The following CNTN5 variants were observed in gnomAD, a reference collection of about 807,000 sequenced individuals.
CNTN5 encodes contactin-5.
CNTN5 carries 77 observed loss-of-function variants against 129.1 expected under a neutral mutation model. The observed-to-expected ratio is 0.60, with a 90% CI of 0.50 to 0.72. The LOEUF (loss-of-function observed/expected upper bound fraction) is 0.72, where lower values mean the gene tolerates loss of function less well. Among genes scored for constraint, CNTN5 ranks in the 30% least tolerant of loss-of-function variants. The pLI, the probability that CNTN5 is intolerant of heterozygous loss-of-function variation, is 0.00. For missense variants in CNTN5, 1,478 were observed against 1,328.8 expected, an observed-to-expected ratio of 1.11 and a Z score of -1.75; for synonymous variants, 509 against 465.6, an observed-to-expected ratio of 1.09 and a Z score of -1.20.
chr11:99,326,065 T>C (rs569502004), intron 2 of CNTN5, among the ~76,000 whole-genome samples: 2 of 152,342 alleles, frequency 1.3e-5, no homozygotes, highest in African/African-American at 4.8e-5. Flanking sequence ...CAACAGAAAT[T>C]ACTAAAGAGT....
At chr11:99,042,880 G>T (rs1864061004) in intron 1 of CNTN5, among the ~76,000 whole-genome samples, 1 of 148,658 alleles carries the variant, frequency 6.7e-6, no homozygotes, top group South Asian at 2.1e-4. Flanking sequence ...TCTGTAGCAT[G>T]CTACTTTAAC....
chr11:99,226,112 G>A (rs1860670332), intron 1 of CNTN5, among the ~76,000 whole-genome samples: 2 of 152,146 alleles, frequency 1.3e-5, no homozygotes, highest in South Asian at 2.1e-4. Context: ...GAAAAATCAT[G>A]GGTAGAATGT....
At chr11:99,267,297 T>A (rs2135844124) in intron 1 of CNTN5, among the ~76,000 whole-genome samples, 1 of 152,120 alleles carries the variant, frequency 6.6e-6, no homozygotes, top group South Asian at 2.1e-4. Context: ...AGTTTGTTAG[T>A]TTTTTTAAGA....
chr11:99,092,701 T>C (rs1355773115), intron 1 of CNTN5, among the ~76,000 whole-genome samples: 2 of 151,990 alleles, frequency 1.3e-5, no homozygotes, highest in Non-Finnish European at 2.9e-5. Context: ...ATGGTAAAAG[T>C]TGTGTATGTT....
intron 9 of CNTN5, among the ~76,000 whole-genome samples, chr11:100,034,170 A>G (rs1051738999): frequency 7.9e-5 from 12 of 152,290 alleles, no homozygotes; most frequent in African/African-American, 2.9e-4. Context: ...TAACTTCTGT[A>G]TACCTCATGT....
intron 8 of CNTN5, among the ~76,000 whole-genome samples, chr11:99,961,734 A>G (rs751034670): frequency 8.5e-5 from 13 of 152,184 alleles, no homozygotes; most frequent in Non-Finnish European, 1.6e-4. Flanking sequence ...TTCCGTGGAA[A>G]GATGAAGTTT....
rs1003280204 is a variant in CNTN5 at position 99,329,839 on chromosome 11, C to T, written c.-71+4355C>T. Reference sequence around the variant, plus strand: ...TTTCATTTGACTAAAAAAGTGAATACTATCTCATTTTTGTAAGGGTGCAAA... The same window carrying T: ...TTTCATTTGACTAAAAAAGTGAATATTATCTCATTTTTGTAAGGGTGCAAA... On this transcript the variant is annotated intron_variant, in intron 2 of 24. Transcript: ENST00000524871. 2.6e-5 allele frequency among the ~76,000 whole-genome samples: 4 copies of T among 151,476 alleles called. No homozygotes were observed. The Middle Eastern group carries it at 0.01, about 386-fold the overall frequency.
chr11:100,326,500 C>A (rs1466306623), intron 21 of CNTN5, among the ~76,000 whole-genome samples: 1 of 152,110 alleles, frequency 6.6e-6, no homozygotes, highest in Admixed American at 6.5e-5. Flanking sequence ...CCATACACAT[C>A]CCTATATCTT....
chr11:99,756,052 C>G (rs996742081), intron 3 of CNTN5, among the ~76,000 whole-genome samples: 1 of 152,122 alleles, frequency 6.6e-6, no homozygotes, highest in African/African-American at 2.4e-5. Context: ...AGTTGACTAA[C>G]AAGAGTCTGG....
intron 1 of CNTN5, among the ~76,000 whole-genome samples, chr11:99,298,538 A>G (rs766019198): frequency 1.1e-4 from 16 of 152,182 alleles, no homozygotes; most frequent in African/African-American, 3.4e-4. Context: ...GTTTAACCAC[A>G]AGGACTCAAA....
chr11:100,232,560 T>C (rs2138653393), intron 16 of CNTN5, among the ~76,000 whole-genome samples: 1 of 152,342 alleles, frequency 6.6e-6, no homozygotes. Context: ...AATCCTTGGC[T>C]TTTAAGTCCA....
intron 1 of CNTN5, among the ~76,000 whole-genome samples, chr11:99,233,415 G>T (rs1422199922): frequency 6.6e-6 from 1 of 152,154 alleles, no homozygotes; most frequent in Non-Finnish European, 1.5e-5. Flanking sequence ...GGGTGTTATT[G>T]AGTGATTTAG....
intron 1 of CNTN5, among the ~76,000 whole-genome samples, chr11:99,315,775 GACAGGGATTAC>G (rs1865313329): frequency 6.7e-6 from 1 of 148,962 alleles, no homozygotes; most frequent in Non-Finnish European, 1.5e-5. Context: ...ATTAGAAGGT[GACAGGGATTAC>G]ACAGGGATTG....
chr11:99,382,461 C>T (rs143871713), intron 2 of CNTN5, among the ~76,000 whole-genome samples: 4 of 152,250 alleles, frequency 2.6e-5, no homozygotes, highest in Admixed American at 6.5e-5. Flanking sequence ...GCCACTCTAC[C>T]GCACAATTTG....
At chr11:99,731,989 T>C (rs1426573142) in intron 3 of CNTN5, among the ~76,000 whole-genome samples, 4 of 152,216 alleles carry the variant, frequency 2.6e-5, no homozygotes, top group Non-Finnish European at 5.9e-5. Context: ...TAAATGCCCA[T>C]TTGAGATTAG....
intron 13 of CNTN5, among the ~76,000 whole-genome samples, chr11:100,147,844 A>G (rs991704054): frequency 2.6e-5 from 4 of 152,160 alleles, no homozygotes; most frequent in Admixed American, 6.6e-5. Context: ...CAGGATTACA[A>G]TCAGGTTTTC....
At chr11:99,201,798 A>G (rs1237633342) in intron 1 of CNTN5, among the ~76,000 whole-genome samples, 2 of 152,208 alleles carry the variant, frequency 1.3e-5, no homozygotes, top group Non-Finnish European at 2.9e-5. Context: ...CTCTAGAAGG[A>G]GCAAAGGGCA....
Position 99,960,000 on chromosome 11 carries a change from C to A in CNTN5, c.877+2991C>A, listed in dbSNP as rs1345549914. On this transcript the variant is annotated intron_variant, in intron 8 of 24. Coordinates refer to ENST00000524871, the MANE Select transcript of CNTN5 (RefSeq NM_014361.4). ...AAAACAAAACAAAAACCCACAAAAT[C>A]CTACTCACCTCTCCCTGCCACTAAA... 2.0e-5 allele frequency among the ~76,000 whole-genome samples: 3 copies of A among 152,046 alleles called. No individual in the cohort carries two copies. The East Asian group carries it at 5.8e-4, about 29-fold the overall frequency.
chr11:99,592,373 A>C (rs1252957187), intron 3 of CNTN5, among the ~76,000 whole-genome samples: 1 of 152,230 alleles, frequency 6.6e-6, no homozygotes, highest in Non-Finnish European at 1.5e-5. Flanking sequence ...AGTTGCCAGC[A>C]AAGTAGAAAG....
Sources: gnomAD v4.1 joint callset for allele counts (sites outside exome capture counted in the v4.1 genomes callset) on GRCh38, gnomAD v4.1.1 for gene constraint, MANE v1.5 for transcripts, NCBI Gene and HGNC (gene_info 2026-07-23, HGNC 2026-07-21) for gene names.